The following NAALADL2 variants were observed in gnomAD, a reference collection of about 807,000 sequenced individuals.
The protein encoded by NAALADL2 is inactive N-acetylated-alpha-linked acidic dipeptidase-like protein 2.
NAALADL2 carries 76 observed loss-of-function variants against 87.2 expected under a neutral mutation model. That is an observed-to-expected ratio of 0.87 (90% confidence interval 0.72 to 1.05). The LOEUF is 1.05. Among genes scored for constraint, NAALADL2 ranks in the 50% least tolerant of loss-of-function variants. NAALADL2 has a pLI of 0.00. For synonymous variants in NAALADL2, 354 were observed against 331.0 expected (o/e 1.07, Z -0.75); for missense variants, 1,089 against 945.8 (o/e 1.15, Z -1.99).
At chr3:175,491,127 C>T (rs1430227147) in intron 9 of NAALADL2, among the ~76,000 whole-genome samples, 2 of 148,760 alleles carry the variant, frequency 1.3e-5, no homozygotes, top group Non-Finnish European at 3.0e-5. Context: ...CCCAGAGCTG[C>T]AACATTTCTT....
intron 9 of NAALADL2, among the ~76,000 whole-genome samples, chr3:175,559,069 C>A (rs1041404118): frequency 5.9e-5 from 9 of 151,646 alleles, no homozygotes; most frequent in African/African-American, 2.2e-4. Flanking sequence ...CATGGAATAT[C>A]TTTTATTTTT....
chr3:174,510,101 A>G (rs999434744), intron 1 of NAALADL2, among the ~76,000 whole-genome samples: 5 of 151,720 alleles, frequency 3.3e-5, no homozygotes, highest in Non-Finnish European at 7.4e-5. Context: ...ATGTTTTATT[A>G]TGTGTTTTAT....
chr3:175,323,397 G>T (rs1481786985), intron 4 of NAALADL2, among the ~76,000 whole-genome samples: 1 of 149,608 alleles, frequency 6.7e-6, no homozygotes, highest in East Asian at 2.0e-4. Context: ...TAGATGACGA[G>T]TTAGTGGGTG....
chr3:175,249,985 C>A (rs1258792270), intron 3 of NAALADL2, among the ~76,000 whole-genome samples: 1 of 151,946 alleles, frequency 6.6e-6, no homozygotes, highest in Non-Finnish European at 1.5e-5. Context: ...GCCTAACCAA[C>A]ATGGAGAAAC....
intron 1 of NAALADL2, among the ~76,000 whole-genome samples, chr3:174,940,479 A>G (rs80065705): frequency 0.041 from 6,254 of 151,654 alleles, 436 homozygotes; most frequent in African/African-American, 0.14. Context: ...TTCTTTTTTC[A>G]TTTTGTCTCT....
Position 174,485,892 on chromosome 3 carries a change from T to C in NAALADL2, c.-184+44860T>C, listed in dbSNP as rs938416631. Among the ~76,000 whole-genome samples the C allele has an allele frequency of 2.6e-5, 4 of 152,050 alleles. No individual in the cohort carries two copies. In the South Asian group the frequency reaches 8.3e-4, roughly 31 times the overall value. ...GTTTTATATTTAAGTCTTTGATCCA[T>C]CTTGAGTTGATTTTTGTATATGATT... On this transcript the variant is annotated intron_variant, in intron 1 of 3. Transcript: ENST00000434257.
intron 4 of NAALADL2, among the ~76,000 whole-genome samples, chr3:175,275,485 G>C (rs1419327674): frequency 6.6e-6 from 1 of 151,956 alleles, no homozygotes; most frequent in Non-Finnish European, 1.5e-5. Flanking sequence ...GGGCCATGCA[G>C]TTTGTATCTT....
intron 1 of NAALADL2, among the ~76,000 whole-genome samples, chr3:174,993,772 A>G (rs1323018855): frequency 6.6e-6 from 1 of 152,174 alleles, no homozygotes; most frequent in African/African-American, 2.4e-5. Flanking sequence ...AACACAGAAA[A>G]TGATTCTGTC....
intron 5 of NAALADL2, among the ~76,000 whole-genome samples, chr3:175,337,832 G>A (rs548437903): frequency 2.6e-5 from 4 of 152,272 alleles, no homozygotes; most frequent in South Asian, 4.1e-4. Context: ...AATGCTGACT[G>A]TAGCAACTAT....
At chr3:174,994,062 A>G (rs1579918180) in intron 1 of NAALADL2, among the ~76,000 whole-genome samples, 1 of 152,178 alleles carries the variant, frequency 6.6e-6, no homozygotes, top group East Asian at 1.9e-4. Flanking sequence ...TGCATCTGCA[A>G]AGACCCTATT....
rs575172371 is a variant in NAALADL2 at position 174,798,715 on chromosome 3, G to T, written c.-9+60969G>T. Reference sequence around the variant, plus strand: ...TTTTTTTAAATTTCATTTTAAGAAAGTTGATTTTTTAGTGATATTAGAAAT... The same window carrying T: ...TTTTTTTAAATTTCATTTTAAGAAATTTGATTTTTTAGTGATATTAGAAAT... On this transcript the variant is annotated intron_variant, in intron 3 of 3. Transcript: ENST00000434257. Among the ~76,000 whole-genome samples the T allele has an allele frequency of 4.6e-5, 7 of 151,630 alleles. No individual in the cohort carries two copies. The East Asian group carries it at 1.2e-3, about 25-fold the overall frequency.
intron 4 of NAALADL2, among the ~76,000 whole-genome samples, chr3:175,266,760 C>A (rs922664324): frequency 4.6e-5 from 7 of 151,774 alleles, no homozygotes; most frequent in Non-Finnish European, 7.4e-5. Context: ...GCTTGCCTAA[C>A]ATTTTTCCAA....
At chr3:175,181,777 A>ATGTGTATATATGTGTATATATG (rs36191548) in intron 2 of NAALADL2, among the ~76,000 whole-genome samples, 2 of 67,002 alleles carry the variant, frequency 3.0e-5, no homozygotes, top group Admixed American at 1.8e-4. Context: ...GTGTGTATAT[A>ATGTGTATATATGTGTATATATG]TGTATATATA....
chr3:175,723,084 C>T (rs1287230502), intron 11 of NAALADL2, among the ~76,000 whole-genome samples: 1 of 152,080 alleles, frequency 6.6e-6, no homozygotes, highest in East Asian at 1.9e-4. Context: ...TGAGCCCCAG[C>T]GTCTAGTCAA....
intron 5 of NAALADL2, among the ~76,000 whole-genome samples, chr3:175,341,153 G>T (rs748091592): frequency 7.9e-5 from 12 of 152,168 alleles, no homozygotes; most frequent in Middle Eastern, 3.4e-3. Flanking sequence ...ATTAGCAGTT[G>T]TTCCCCATTC....
intron 1 of NAALADL2, among the ~76,000 whole-genome samples, chr3:174,989,780 T>A (rs1378607135): frequency 6.6e-6 from 1 of 152,174 alleles, no homozygotes; most frequent in Non-Finnish European, 1.5e-5. Flanking sequence ...ATGTATTTTA[T>A]AAGATCTGGT....
chr3:175,309,208 G>A (rs982700921), intron 4 of NAALADL2, among the ~76,000 whole-genome samples: 12 of 150,934 alleles, frequency 8.0e-5, no homozygotes, highest in African/African-American at 2.2e-4. Context: ...TTTTTGAGAC[G>A]GAGTTTCACT....
At chr3:174,610,115 A>G (rs1253604025) in intron 2 of NAALADL2, among the ~76,000 whole-genome samples, 1 of 151,266 alleles carries the variant, frequency 6.6e-6, no homozygotes, top group Non-Finnish European at 1.5e-5. Flanking sequence ...AGCCATATGT[A>G]GAAAGCTGTA....
chr3:175,789,230 C>G (rs886578582), intron 13 of NAALADL2, among the ~76,000 whole-genome samples: 1 of 152,090 alleles, frequency 6.6e-6, no homozygotes, highest in African/African-American at 2.4e-5. Context: ...TGAATGAGCT[C>G]TCAAGGTAAT....
Sources: allele counts gnomAD v4.1 joint callset (sites outside exome capture counted in the v4.1 genomes callset), GRCh38; gene constraint gnomAD v4.1.1; transcripts MANE v1.5; gene names NCBI Gene and HGNC (gene_info 2026-07-23, HGNC 2026-07-21).